RNF144B: variants seen among roughly 807,000 people sequenced by gnomAD.
The protein encoded by RNF144B is E3 ubiquitin-protein ligase RNF144B.
RNF144B carries 25 observed loss-of-function variants against 40.2 expected under a neutral mutation model. That is an observed-to-expected ratio of 0.62 (90% CI 0.45 to 0.87). The LOEUF (loss-of-function observed/expected upper bound fraction) is 0.87, where lower values mean the gene tolerates loss of function less well. Ranked by LOEUF, RNF144B falls within the 40% of genes least tolerant of loss-of-function variation. The pLI is 0.00. For synonymous variants in RNF144B, 145 were observed against 136.3 expected (o/e 1.06, Z -0.44); for missense variants, 365 against 373.7 (o/e 0.98, Z 0.19).
In RNF144B at chr6:18,404,570, G is replaced by A. The variant is rs1045514783; in HGVS notation, c.165+4871G>A. On this transcript the variant is annotated intron_variant, in intron 2 of 7. Coordinates refer to ENST00000259939, the MANE Select transcript of RNF144B (RefSeq NM_182757.4). ...CTTTTATAAAAAGGTGGTTATATAG[G>A]TAATTACAACCTCACTGCTATTCTG... Among the ~76,000 whole-genome samples, 4 of 152,242 alleles carry A rather than the reference G, an allele frequency of 2.6e-5. No individual in the cohort carries two copies. The South Asian group carries it at 6.2e-4, about 24-fold the overall frequency.
intron 2 of RNF144B, among the ~76,000 whole-genome samples, chr6:18,411,940 C>A (rs1306467871): frequency 1.3e-5 from 2 of 152,146 alleles, no homozygotes; most frequent in Non-Finnish European, 2.9e-5. Context: ...AATATACAGA[C>A]CAACCTTCCT....
chr6:18,453,446 T>G lies in RNF144B; in HGVS notation c.332-3709T>G, dbSNP rs559868658. On this transcript the variant is annotated intron_variant, in intron 4 of 7. Coordinates refer to ENST00000259939, the MANE Select transcript of RNF144B (RefSeq NM_182757.4). ...AGCTACTGCACCCAGCCTGCTTTTT[T>G]TTTGTTTGTTTTTTTCTTACACTTA... 3.9e-5 allele frequency among the ~76,000 whole-genome samples: 6 copies of G among 152,188 alleles called. No individual in the cohort carries two copies. The East Asian group carries it at 7.7e-4, about 20-fold the overall frequency.
Position 18,465,823 on chromosome 6 carries a change from G to A in RNF144B, c.*756G>A, listed in dbSNP as rs561349452. On this transcript the variant is annotated 3_prime_UTR_variant, in exon 8 of 8. Coordinates refer to ENST00000259939, the MANE Select transcript of RNF144B (RefSeq NM_182757.4). The stretch of plus-strand genomic sequence containing the variant: ...TAAGTTGGCCAACTTGTCTCTTACA[G>A]CCAGTGGCTGTGGTCTACAGAATTG... The A allele has an allele frequency of 6.6e-6, 1 of 152,386 alleles. No homozygotes were observed. Among genetic ancestry groups the A allele is most frequent in the Admixed American group, 6.5e-5 (1 of 15,306 alleles). The allele number at this position is 152,386 out of a possible 1,614,324, so 9.4% of individuals were successfully genotyped here. A position where few individuals can be genotyped will look rare whatever the true frequency, so the allele number is the denominator to read the frequency against.
chr6:18,438,032 A>G (rs1758860331), intron 3 of RNF144B, among the ~76,000 whole-genome samples: 2 of 152,188 alleles, frequency 1.3e-5, no homozygotes, highest in South Asian at 4.1e-4. Context: ...AAAAAGATTC[A>G]TAGAATATTA....
chr6:18,425,723 A>T lies in RNF144B; in HGVS notation c.166-1858A>T, dbSNP rs9477742. Among the ~76,000 whole-genome samples the T allele has an allele frequency of 2.6e-5, 4 of 152,174 alleles. No homozygotes were observed. The highest frequency in any genetic ancestry group is 5.9e-5 in the Non-Finnish European group (4 of 68,032). The stretch of plus-strand genomic sequence containing the variant: ...CCAGATACCTTTTATTCCTGAATTT[A>T]TACTAAATCATGAGCATTTGTGCAT... On this transcript the variant is annotated intron_variant, in intron 2 of 7. Transcript: ENST00000259939. This position sits in a 1 kb window ranked among gnomAD's most constrained non-coding sequence, Gnocchi z 4.2.
intron 3 of RNF144B, among the ~76,000 whole-genome samples, chr6:18,433,563 G>A (rs537149599): frequency 6.6e-6 from 1 of 152,132 alleles, no homozygotes; most frequent in African/African-American, 2.4e-5. Context: ...CTGAGTGGAG[G>A]GAGAAAAGAC....
At chr6:18,453,697 A>G (rs1487604845) in intron 4 of RNF144B, among the ~76,000 whole-genome samples, 3 of 152,220 alleles carry the variant, frequency 2.0e-5, no homozygotes, top group African/African-American at 7.2e-5. Flanking sequence ...TTCTACTTAC[A>G]TACACATTTC....
rs1299391670 is a variant in RNF144B, at chr6:18,414,767, A to G, written c.166-12814A>G. ...GGTATAAATTTTATCTTTTGCTTTT[A>G]GTTTTAAAATATTGTACAACATCCT... On this transcript the variant is annotated intron_variant, in intron 2 of 7. Transcript: ENST00000259939. This position sits in a 1 kb window ranked among gnomAD's most constrained non-coding sequence, Gnocchi z 4.9. Among the ~76,000 whole-genome samples the G allele has an allele frequency of 6.6e-6, 1 of 152,172 alleles. No individual in the cohort carries two copies. The highest frequency in any genetic ancestry group is 1.5e-5 in the Non-Finnish European group (1 of 68,006).
At position 18,398,555 on chromosome 6, in the gene RNF144B, T is replaced by C. The variant is rs1794735690; in HGVS notation, c.-36-944T>C. Among the ~76,000 whole-genome samples, 1 of 151,978 alleles carries C rather than the reference T, an allele frequency of 6.6e-6. No homozygotes were observed. Among genetic ancestry groups the C allele is most frequent in the Non-Finnish European group, 1.5e-5 (1 of 67,966 alleles). ...TGGCTAATTTTGTATTTTTGTATTT[T>C]TTGTAATTTTGTATTTTTAGTAGAG... On this transcript the variant is annotated intron_variant, in intron 1 of 7. Transcript: ENST00000259939. This position sits in a 1 kb window ranked among gnomAD's most constrained non-coding sequence, Gnocchi z 5.0.
At chr6:18,394,609 C>T (rs1291464284) in intron 1 of RNF144B, among the ~76,000 whole-genome samples, 1 of 130,916 alleles carries the variant, frequency 7.6e-6, no homozygotes, top group Non-Finnish European at 1.7e-5. Flanking sequence ...TACCCCCCAA[C>T]CAAGAAAAAA....
intron 1 of RNF144B, among the ~76,000 whole-genome samples, chr6:18,397,304 A>G (rs936027466): frequency 6.6e-6 from 1 of 152,240 alleles, no homozygotes; most frequent in African/African-American, 2.4e-5. Context: ...AGTAGGTAGC[A>G]AATGATTACA....
At chr6:18,417,594 A>G (rs1473850656) in intron 2 of RNF144B, among the ~76,000 whole-genome samples, 1 of 152,128 alleles carries the variant, frequency 6.6e-6, no homozygotes, top group African/African-American at 2.4e-5. Context: ...TGGACCATAC[A>G]CCTATAACAG....
intron 1 of RNF144B, chr6:18,396,303 G>A: frequency 6.6e-6 from 5 of 763,154 alleles, no homozygotes; most frequent in Non-Finnish European, 6.4e-6. Context: ...TATTATTAGA[G>A]GAATCCAATA....
At chr6:18,440,664 A>G (rs372122764) in intron 4 of RNF144B, among the ~76,000 whole-genome samples, 1 of 108,266 alleles carries the variant, frequency 9.2e-6, no homozygotes, top group Non-Finnish European at 2.1e-5. Context: ...AGGAAAAAAG[A>G]AAAAAAACGT....
At position 18,458,546 on chromosome 6, in the gene RNF144B, C is replaced by T. The variant is rs945879382; in HGVS notation, c.537-1061C>T. Among the ~76,000 whole-genome samples the T allele has an allele frequency of 4.6e-5, 7 of 152,126 alleles. No homozygotes were observed. The highest frequency in any genetic ancestry group is 1.7e-4 in the African/African-American group (7 of 41,428). ...TTCAAACCACTGTTGCCTACATTTT[C>T]GTGGCCATAGCAGGAAGCTCCGTGG... is the stretch of plus-strand genomic sequence containing the variant. On this transcript the variant is annotated intron_variant, in intron 5 of 7. Coordinates refer to ENST00000259939, the MANE Select transcript of RNF144B (RefSeq NM_182757.4). This position sits in a 1 kb window ranked among gnomAD's most constrained non-coding sequence, Gnocchi z 4.8.
At chr6:18,426,358 G>A (rs1436596355) in intron 2 of RNF144B, among the ~76,000 whole-genome samples, 1 of 152,110 alleles carries the variant, frequency 6.6e-6, no homozygotes, top group Non-Finnish European at 1.5e-5. Flanking sequence ...TGTAGAAAAG[G>A]TTTACCGATT....
intron 4 of RNF144B, among the ~76,000 whole-genome samples, chr6:18,455,900 T>C (rs1304678507): frequency 1.3e-5 from 2 of 152,022 alleles, no homozygotes; most frequent in Admixed American, 6.6e-5. Flanking sequence ...GGGTTTTTTT[T>C]GTTTGTTTTT....
intron 3 of RNF144B, among the ~76,000 whole-genome samples, chr6:18,430,918 A>C (rs1425114568): frequency 6.6e-6 from 1 of 152,120 alleles, no homozygotes; most frequent in Non-Finnish European, 1.5e-5. Flanking sequence ...TTGTGCATTA[A>C]AACCAGACAA....
At chr6:18,413,392 A>G (rs573345524) in intron 2 of RNF144B, among the ~76,000 whole-genome samples, 1 of 152,256 alleles carries the variant, frequency 6.6e-6, no homozygotes, top group Non-Finnish European at 1.5e-5. Context: ...AAAAAATCCA[A>G]GGAGTTTTTC....
Sources: gnomAD v4.1 joint callset for allele counts (sites outside exome capture counted in the v4.1 genomes callset) on GRCh38, gnomAD v4.1.1 for gene constraint, Gnocchi (gnomAD v3.1) non-coding constraint, MANE v1.5 for transcripts, NCBI Gene and HGNC (gene_info 2026-07-23, HGNC 2026-07-21) for gene names.